CHFR: variants seen among roughly 807,000 people sequenced by gnomAD.
CHFR encodes the protein E3 ubiquitin-protein ligase CHFR.
CHFR carries 57 observed loss-of-function variants against 87.6 expected under a neutral mutation model. That is an observed-to-expected ratio of 0.65 (90% CI 0.53 to 0.81). CHFR has a LOEUF of 0.81. Among genes scored for constraint, CHFR ranks in the 30% least tolerant of loss-of-function variants. The pLI, the probability that CHFR is intolerant of heterozygous loss-of-function variation, is 0.00. For missense variants in CHFR, 797 were observed against 865.8 expected (o/e 0.92, Z 1.00); for synonymous variants, 381 against 359.2 (o/e 1.06, Z -0.69).
chr12:132,864,649 T>C (rs1378684044), intron 6 of CHFR, among the ~76,000 whole-genome samples: 1 of 151,922 alleles, frequency 6.6e-6, no homozygotes, highest in Non-Finnish European at 1.5e-5. Flanking sequence ...CAACCACACT[T>C]GGCTAATTTT....
At chr12:132,849,526 C>T (rs9634239) in intron 12 of CHFR, 20,224 of 152,086 alleles carry the variant, frequency 0.13, 2,659 homozygotes, top group East Asian at 0.46. Flanking sequence ...ACCACCCTAA[C>T]ACGGCTTCGA....
At chr12:132,852,236 C>T (rs1275212476) in intron 11 of CHFR, among the ~76,000 whole-genome samples, 3 of 151,986 alleles carry the variant, frequency 2.0e-5, no homozygotes, top group Admixed American at 6.6e-5. Context: ...GATCCGCCCG[C>T]CTCGGCCTCC....
chr12:132,883,494 G>T (rs1214325187), intron 2 of CHFR, among the ~76,000 whole-genome samples: 1 of 151,778 alleles, frequency 6.6e-6, no homozygotes, highest in Non-Finnish European at 1.5e-5. Flanking sequence ...GGGAGGCCGA[G>T]GCGGGTGGAT....
In CHFR at chr12:132,844,088, C is replaced by A; in HGVS notation, c.1782G>T (p.Leu594=). The A allele has an allele frequency of 1.2e-6, 2 of 1,613,884 alleles. No homozygotes were observed. Among genetic ancestry groups the A allele is most frequent in the Non-Finnish European group, 1.7e-6 (2 of 1,179,826 alleles). The change falls in exon 16 of 18, where the codon CTG becomes CTT. Residue 594 remains leucine, a synonymous_variant. Transcript: ENST00000450056. ...GATAGGTCAGCTCACGGAAGCTGCG[C>A]AGGCCACAGCAGTAACACAGAACGG... ...GDTVLCYCCG[L]RSFRELTYQY... is the part of the protein sequence containing the mutation.
intron 5 of CHFR, 73 bp from the exon 6 acceptor site, chr12:132,869,871 G>T: frequency 6.6e-7 from 1 of 1,508,288 alleles, no homozygotes. Flanking sequence ...CACACAACCA[G>T]GGCTCAAGCA....
At chr12:132,847,796 TGGGAACAAGAGCTGCC>T (rs1950859905) in intron 14 of CHFR, 16 of 1,252,908 alleles carry the variant, frequency 1.3e-5, no homozygotes, top group Middle Eastern at 3.2e-4. Context: ...CCGAGAGCTG[TGGGAACAAGAGCTGCC>T]GGGAACAAGA....
intron 6 of CHFR, chr12:132,862,548 G>A (rs1252174669): frequency 8.1e-6 from 3 of 368,472 alleles, no homozygotes; most frequent in Non-Finnish European, 1.1e-5. Context: ...AGGCTACAGT[G>A]AGCCATGACC....
In CHFR at chr12:132,872,391, G is replaced by C. The variant is rs200283117; in HGVS notation, c.237C>G (p.Thr79=). The C allele has an allele frequency of 1.2e-6, 2 of 1,608,232 alleles. No homozygotes were observed. The highest frequency in any genetic ancestry group is 4.5e-5 in the East Asian group (2 of 44,830). Residue 79 remains threonine (T), a synonymous_variant, in exon 4 of 18, where the codon ACC becomes ACG. Transcript: ENST00000450056. The part of the protein sequence containing the change: ...SGQVTLEDTS[T]SGTVINKLKV... ...TCAGCTTGTTAATCACTGTTCCACTGGTGCTGTAAAAAAACAAAAACACAA... is the reference window on the plus strand; with the variant it reads ...TCAGCTTGTTAATCACTGTTCCACTCGTGCTGTAAAAAAACAAAAACACAA...
intron 2 of CHFR, among the ~76,000 whole-genome samples, chr12:132,881,642 C>T (rs900303602): frequency 3.3e-5 from 5 of 151,916 alleles, no homozygotes; most frequent in East Asian, 1.9e-4. Context: ...CCGAGGCGGG[C>T]GGATCACATG....
At position 132,842,081 on chromosome 12, in the gene CHFR, C is replaced by A. The variant is rs1950714057; in HGVS notation, c.1917-485G>T. 2.1e-5 allele frequency among the ~76,000 whole-genome samples: 3 copies of A among 141,924 alleles called. No individual in the cohort carries two copies. The South Asian group carries it at 6.7e-4, about 32-fold the overall frequency. The allele number at this position is 141,924 out of a possible 152,430, so 93.1% of individuals were successfully genotyped here. A position where few individuals can be genotyped will look rare whatever the true frequency, so the allele number is the denominator to read the frequency against. On this transcript the variant is annotated intron_variant, in intron 17 of 17. Transcript: ENST00000450056. ...CTGAGATCACACCTCTATACTCCAG[C>A]CTGGCAGACAGAGCGAGACTCCATC...
rs951030016 is a variant in CHFR, at chr12:132,872,145, A to G, written c.343+140T>C. On this transcript the variant is annotated intron_variant, in intron 4 of 17. Transcript: ENST00000450056. Reference sequence around the variant, plus strand: ...CTCAACAGACACTATTCACGGCAGGAACCCATGTGAGCAAGAAATGGGGTG... The same window carrying G: ...CTCAACAGACACTATTCACGGCAGGGACCCATGTGAGCAAGAAATGGGGTG... The G allele has an allele frequency of 6.2e-6, 4 of 644,622 alleles. No homozygotes were observed. In the African/African-American group the frequency reaches 7.2e-5, roughly 12 times the overall value. 39.9% of individuals were successfully genotyped at this position (644,622 alleles called of 1,614,324 possible).
At chr12:132,873,642 G>A (rs1056049807) in intron 3 of CHFR, among the ~76,000 whole-genome samples, 7 of 138,578 alleles carry the variant, frequency 5.1e-5, no homozygotes, top group African/African-American at 1.3e-4. Context: ...GGCTGGCTAC[G>A]GGGCTGGAGT....
chr12:132,854,134 G>C (rs1360347641), intron 10 of CHFR: 1 of 152,302 alleles, frequency 6.6e-6, no homozygotes, highest in Non-Finnish European at 1.5e-5. Flanking sequence ...CTCACACCAA[G>C]GCCAGGGGCC....
chr12:132,847,720 G>A (rs1322330954), intron 14 of CHFR: 2 of 1,144,170 alleles, frequency 1.7e-6, no homozygotes, highest in South Asian at 2.3e-5. Flanking sequence ...CAAATGGCCA[G>A]AAGAGACAGG....
At chr12:132,868,176 G>T (rs1951392887) in intron 6 of CHFR, among the ~76,000 whole-genome samples, 1 of 152,176 alleles carries the variant, frequency 6.6e-6, no homozygotes, top group Non-Finnish European at 1.5e-5. Flanking sequence ...GATGAACTCT[G>T]AAAACACCAC....
rs1566189184 is a variant in CHFR, at chr12:132,861,519, C to A, written c.699G>T (p.Leu233Phe). Residue 233 changes from leucine to phenylalanine, a missense_variant, in exon 7 of 18, where the codon TTG becomes TTT. Physicochemically the swap from Leu to Phe is conservative, Grantham distance 22 (BLOSUM62 0). Around this residue, in one of 2 missense-constraint regions of CHFR, gnomAD observed 597 missense variants for 601.2 expected, o/e 0.99. Transcript: ENST00000450056. ...CCAAATCCTCCTGATCCTGGGGTTC[C>A]AACGACGAAAAGGACGCAGTCTTTC... ...PDRKTASFSS[L>F]EPQDQEDLEP... The A allele has an allele frequency of 6.2e-7, 1 of 1,614,202 alleles. No individual in the cohort carries two copies. The highest frequency in any genetic ancestry group is 8.5e-7 in the Non-Finnish European group (1 of 1,180,032).
chr12:132,869,704 T>C lies in CHFR; in HGVS notation c.498A>G (p.Ser166=), dbSNP rs1951440193. Residue 166 remains serine (S), a synonymous_variant, in exon 6 of 18, where the codon TCA becomes TCG. Coordinates refer to ENST00000450056, the MANE Select transcript of CHFR (RefSeq NM_001161346.2). ...TQVCFEEPQP[S]TSTSDLFPTA... ...TGGGGAAGAGGTCTGACGTCGATGTTGATGGCTGTGGTTCCTCAAAGCACA... is the reference window on the plus strand; with the variant it reads ...TGGGGAAGAGGTCTGACGTCGATGTCGATGGCTGTGGTTCCTCAAAGCACA... 1.3e-6 allele frequency: 2 copies of C among 1,551,556 alleles called. No individual in the cohort carries two copies. The highest frequency in any genetic ancestry group is 1.7e-6 in the Non-Finnish European group (2 of 1,147,006).
intron 6 of CHFR, chr12:132,867,910 G>A (rs1019306148): frequency 3.3e-5 from 5 of 151,414 alleles, no homozygotes; most frequent in African/African-American, 1.2e-4. Context: ...TATTAAACTG[G>A]AAAAGCTAAT....
intron 10 of CHFR, 153 bp from the exon 11 acceptor site, chr12:132,853,726 C>T: frequency 1.2e-6 from 1 of 869,500 alleles, no homozygotes; most frequent in Non-Finnish European, 1.7e-6. Context: ...CTGTCCAGCA[C>T]CCCAGTGTTA....
Sources: allele counts gnomAD v4.1 joint callset (sites outside exome capture counted in the v4.1 genomes callset), GRCh38; gene constraint gnomAD v4.1.1; regional missense constraint gnomAD v4.1.1; transcripts MANE v1.5; gene names NCBI Gene and HGNC (gene_info 2026-07-23, HGNC 2026-07-21).